Variants in MCPH1 observed in about 807,000 individuals in gnomAD.
MCPH1 encodes the protein microcephalin 1, also known as microcephalin.
MCPH1 carries 104 observed loss-of-function variants against 84.5 expected under a neutral mutation model. The observed-to-expected ratio is 1.23, with a 90% confidence interval of 1.05 to 1.45. The LOEUF (loss-of-function observed/expected upper bound fraction) is 1.45. Among genes scored for constraint, MCPH1 ranks in the 40% most tolerant of loss-of-function variants. The pLI is 0.00. For synonymous variants in MCPH1, 514 were observed against 366.8 expected (o/e 1.40, Z -4.58); for missense variants, 1,498 against 1,005.7 (o/e 1.49, Z -6.62).
chr8:6,544,823 G>A (rs948386505), intron 12 of MCPH1, among the ~76,000 whole-genome samples: 5 of 152,098 alleles, frequency 3.3e-5, no homozygotes, highest in Non-Finnish European at 5.9e-5. Flanking sequence ...CTGAACTGTC[G>A]ACATCAGGAA....
intron 9 of MCPH1, among the ~76,000 whole-genome samples, chr8:6,457,671 C>A (rs537940078): frequency 1.3e-5 from 2 of 152,152 alleles, no homozygotes; most frequent in African/African-American, 4.8e-5. Flanking sequence ...CAGCTCCCGA[C>A]CCCAGTGCGG....
intron 11 of MCPH1, among the ~76,000 whole-genome samples, chr8:6,491,949 G>C (rs188343082): frequency 5.3e-5 from 8 of 152,300 alleles, no homozygotes; most frequent in African/African-American, 1.7e-4. Context: ...GTGTGCATGT[G>C]TCTTTATAGC....
chr8:6,418,129 T>A (rs749112420), intron 3 of MCPH1, among the ~76,000 whole-genome samples: 2 of 152,128 alleles, frequency 1.3e-5, no homozygotes, highest in African/African-American at 2.4e-5. Context: ...ATGGTTCTCT[T>A]ACTTCCTGAG....
rs114373469 is a variant in MCPH1 at position 6,499,644 on chromosome 8, G to C, written c.2137-208G>C. 5.8e-6 allele frequency: 3 copies of C among 517,068 alleles called. No individual in the cohort carries two copies. The South Asian group carries it at 7.2e-5, about 12-fold the overall frequency. 32.0% of individuals were successfully genotyped at this position (517,068 alleles called of 1,614,324 possible). A position where few individuals can be genotyped will look rare whatever the true frequency, so the allele number is the denominator to read the frequency against. ...ATAATGACTCAGATTTCTTGTTATC[G>C]TGAGACTTTTTCTCAATCAACTTTT... On this transcript the variant is annotated intron_variant, in intron 11 of 13. Transcript: ENST00000344683.
intron 12 of MCPH1, among the ~76,000 whole-genome samples, chr8:6,585,652 G>T (rs1326307127): frequency 1.3e-5 from 2 of 152,156 alleles, no homozygotes; most frequent in East Asian, 1.9e-4. Context: ...AGTCATTTTG[G>T]CTGGATTCCC....
intron 12 of MCPH1, among the ~76,000 whole-genome samples, chr8:6,590,202 C>CAAA (rs1299390970): frequency 1.6e-4 from 12 of 77,128 alleles, no homozygotes; most frequent in African/African-American, 5.4e-4. Context: ...GTTAAGTGAA[C>CAAA]AACAAAAAAA....
chr8:6,601,449 C>T (rs901088778), intron 12 of MCPH1, among the ~76,000 whole-genome samples: 3 of 151,924 alleles, frequency 2.0e-5, no homozygotes, highest in Non-Finnish European at 4.4e-5. Flanking sequence ...CTGCTCACCT[C>T]CTGCAGGGAG....
At chr8:6,499,744 G>A (rs1326966286) in intron 11 of MCPH1, 108 bp from the exon 12 acceptor site, 5 of 888,404 alleles carry the variant, frequency 5.6e-6, no homozygotes, top group Non-Finnish European at 9.4e-6. Context: ...ATCTATTTCA[G>A]ATCTGCGGAG....
intron 11 of MCPH1, among the ~76,000 whole-genome samples, chr8:6,483,226 G>C (rs949970921): frequency 6.6e-6 from 1 of 152,208 alleles, no homozygotes; most frequent in African/African-American, 2.4e-5. Flanking sequence ...AGAAGACATA[G>C]TACAGTGAAC....
intron 11 of MCPH1, among the ~76,000 whole-genome samples, chr8:6,495,488 C>T (rs529453004): frequency 1.3e-5 from 2 of 152,198 alleles, no homozygotes; most frequent in South Asian, 2.1e-4. Context: ...AACTAGCAAA[C>T]TCTCATAAAT....
chr8:6,495,870 C>T (rs1034317321), intron 11 of MCPH1, among the ~76,000 whole-genome samples: 7 of 152,150 alleles, frequency 4.6e-5, no homozygotes, highest in East Asian at 3.9e-4. Flanking sequence ...CTATGGCTTA[C>T]GACTGTGGGA....
intron 12 of MCPH1, among the ~76,000 whole-genome samples, chr8:6,523,665 C>G (rs1817780654): frequency 6.6e-6 from 1 of 152,174 alleles, no homozygotes; most frequent in Non-Finnish European, 1.5e-5. Context: ...TCTCAGCTCG[C>G]TGCAACCTCC....
At chr8:6,485,324 CAA>C (rs955800020) in intron 11 of MCPH1, among the ~76,000 whole-genome samples, 1 of 138,920 alleles carries the variant, frequency 7.2e-6, no homozygotes, top group African/African-American at 2.6e-5. Flanking sequence ...GACTCTGTCT[CAA>C]AAAAAAAAAA....
chr8:6,460,938 C>G (rs916411986), intron 9 of MCPH1, among the ~76,000 whole-genome samples: 1 of 152,220 alleles, frequency 6.6e-6, no homozygotes, highest in Non-Finnish European at 1.5e-5. Flanking sequence ...CTATTTCAAA[C>G]TACTTAGTCC....
chr8:6,463,834 A>C (rs1806549452), intron 9 of MCPH1, among the ~76,000 whole-genome samples: 1 of 152,252 alleles, frequency 6.6e-6, no homozygotes, highest in African/African-American at 2.4e-5. Context: ...TTATGAATGC[A>C]GTTTTACAGT....
intron 13 of MCPH1, chr8:6,642,750 C>A (rs1798015297): frequency 3.5e-6 from 2 of 565,696 alleles, no homozygotes; most frequent in Non-Finnish European, 6.4e-6. Context: ...TCTAATGGGA[C>A]ATGTGGCTAC....
chr8:6,627,268 C>G (rs554280775), intron 13 of MCPH1: 1 of 985,398 alleles, frequency 1.0e-6, no homozygotes, highest in East Asian at 1.1e-4. Context: ...TCCATTGCCT[C>G]GATAAGGAAC....
At chr8:6,424,618 C>T (rs1800786523) in intron 3 of MCPH1, among the ~76,000 whole-genome samples, 1 of 152,236 alleles carries the variant, frequency 6.6e-6, no homozygotes, top group Non-Finnish European at 1.5e-5. Flanking sequence ...GAACGTCCCT[C>T]AGTTTGGAAC....
At chr8:6,455,413 C>T (rs778618461) in intron 9 of MCPH1, among the ~76,000 whole-genome samples, 161 bp downstream of exon 9, 6 of 152,106 alleles carry the variant, frequency 3.9e-5, no homozygotes, top group Non-Finnish European at 5.9e-5. Flanking sequence ...AAACTGAAAG[C>T]GTTGTTTGCA....
Sources: gnomAD v4.1 joint callset for allele counts (sites outside exome capture counted in the v4.1 genomes callset) on GRCh38, gnomAD v4.1.1 for gene constraint, MANE v1.5 for transcripts, NCBI Gene and HGNC (gene_info 2026-07-23, HGNC 2026-07-21) for gene names.